Variants in ACSM1 observed in about 807,000 individuals in gnomAD.
The protein encoded by ACSM1 is acyl-coenzyme A synthetase ACSM1, mitochondrial.
Under a neutral mutation model 75.8 loss-of-function variants are expected in ACSM1, and 79 were observed. The observed-to-expected ratio is 1.04, with a 90% CI of 0.87 to 1.26. The LOEUF (loss-of-function observed/expected upper bound fraction) is 1.26. Among genes scored for constraint, ACSM1 ranks in the 50% most tolerant of loss-of-function variants. The pLI is 0.00. For missense variants in ACSM1, 676 were observed against 720.1 expected (o/e 0.94, Z 0.70); for synonymous variants, 279 against 265.8 (o/e 1.05, Z -0.48).
chr16:20,657,110 T>A (rs1197252472), intron 7 of ACSM1, among the ~76,000 whole-genome samples: 1 of 152,180 alleles, frequency 6.6e-6, no homozygotes, highest in African/African-American at 2.4e-5. Context: ...TAAATATGTC[T>A]ATACATATAT....
Position 20,627,250 on chromosome 16 carries a change from T to C in ACSM1, c.1366A>G (p.Met456Val). The C allele has an allele frequency of 6.3e-7, 1 of 1,591,900 alleles. No homozygotes were observed. The highest frequency in any genetic ancestry group is 8.5e-7 in the Non-Finnish European group (1 of 1,171,210). Residue 456 changes from methionine (M) to valine (V), a missense_variant, in exon 11 of 14, where the codon ATG becomes GTG. Physicochemically the swap from Met to Val is conservative, Grantham distance 21. Transcript: ENST00000520010. Reference sequence around the variant, plus strand: ...AAACAAATGTAGCCCTCTTCATCCATCTTACCTCTGTCCCCAGTGTTGTAG... The same window carrying C: ...AAACAAATGTAGCCCTCTTCATCCACCTTACCTCTGTCCCCAGTGTTGTAG... Reference protein sequence around the residue: ...DFYNTGDRGKMDEEGYICFLG... With the variant: ...DFYNTGDRGKVDEEGYICFLG...
At chr16:20,665,210 C>A (rs938102480) in intron 6 of ACSM1, among the ~76,000 whole-genome samples, 4 of 151,936 alleles carry the variant, frequency 2.6e-5, no homozygotes, top group Non-Finnish European at 5.9e-5. Context: ...AAACTGAGAG[C>A]TTGTTTTTCA....
chr16:20,692,209 G>A (rs2152339889), intron 1 of ACSM1, among the ~76,000 whole-genome samples: 1 of 152,308 alleles, frequency 6.6e-6, no homozygotes, highest in Non-Finnish European at 1.5e-5. Flanking sequence ...AAATATGAGT[G>A]AACCTGGCCC....
At chr16:20,650,949 C>T (rs905398985) in intron 7 of ACSM1, among the ~76,000 whole-genome samples, 3 of 152,108 alleles carry the variant, frequency 2.0e-5, no homozygotes, top group Non-Finnish European at 2.9e-5. Context: ...TGGATCTAAC[C>T]GCTTTTTGCA....
At chr16:20,661,902 T>C (rs1046253005) in intron 6 of ACSM1, 29 bp from the exon 7 acceptor site, 2 of 1,512,528 alleles carry the variant, frequency 1.3e-6, no homozygotes, top group Non-Finnish European at 1.8e-6. Flanking sequence ...AGAAATTTTA[T>C]TTTTACAGTT....
At chr16:20,683,715 C>CTCTTTCTTTCTT (rs55684501) in intron 3 of ACSM1, among the ~76,000 whole-genome samples, 1,535 of 136,340 alleles carry the variant, frequency 0.011, 33 homozygotes, top group Non-Finnish European at 0.014. Flanking sequence ...CTCTCTCTCT[C>CTCTTTCTTTCTT]TCTTTCTTTC....
chr16:20,635,493 T>C (rs1294682857), intron 10 of ACSM1, among the ~76,000 whole-genome samples: 2 of 152,232 alleles, frequency 1.3e-5, no homozygotes, highest in African/African-American at 4.8e-5. Context: ...CCTGAAATGA[T>C]TGTAATATGC....
Position 20,636,845 on chromosome 16 carries a change from A to G in ACSM1, c.1198-5T>C. 1 of 1,611,832 alleles carries G rather than the reference A, an allele frequency of 6.2e-7. No homozygotes were observed. Among genetic ancestry groups the G allele is most frequent in the South Asian group, 1.1e-5 (1 of 91,020 alleles). On this transcript the variant is annotated splice_region_variant and splice_polypyrimidine_tract_variant and intron_variant, in intron 9 of 13. Coordinates refer to ENST00000520010, the MANE Select transcript of ACSM1 (RefSeq NM_001318890.3). The stretch of plus-strand genomic sequence containing the variant: ...GCTGCCCTTGTCATCAATGACCTGT[A>G]GCAAGAGGCCTGTGAATCATACACT...
chr16:20,677,639 T>C (rs1298957374), intron 4 of ACSM1, among the ~76,000 whole-genome samples: 1 of 152,186 alleles, frequency 6.6e-6, no homozygotes, highest in Non-Finnish European at 1.5e-5. Context: ...AATATTTTAC[T>C]GATGGAAGCA....
intron 7 of ACSM1, among the ~76,000 whole-genome samples, chr16:20,641,341 C>A (rs1401440014): frequency 6.6e-6 from 1 of 152,162 alleles, no homozygotes; most frequent in African/African-American, 2.4e-5. Flanking sequence ...TGCAGCCATG[C>A]CCTGCCCTCT....
chr16:20,676,863 T>C (rs939010845), intron 4 of ACSM1, among the ~76,000 whole-genome samples: 1 of 151,856 alleles, frequency 6.6e-6, no homozygotes, highest in Non-Finnish European at 1.5e-5. Context: ...GTCAAGGCCA[T>C]GGTATAAAAA....
intron 7 of ACSM1, among the ~76,000 whole-genome samples, chr16:20,653,874 T>C (rs1387767057): frequency 1.3e-5 from 2 of 152,116 alleles, no homozygotes; most frequent in Admixed American, 1.3e-4. Flanking sequence ...AAGCTACCAA[T>C]GACTTTCTTC....
chr16:20,659,938 A>G (rs163277), intron 7 of ACSM1, among the ~76,000 whole-genome samples: 69,945 of 151,996 alleles, frequency 0.46, 18,947 homozygotes, highest in East Asian at 0.85. Flanking sequence ...CCCGCTTTGC[A>G]TTGTCCTGCC....
Position 20,624,081 on chromosome 16 carries a change from T to C in ACSM1, c.1647+15A>G, listed in dbSNP as rs1485540387. 1.2e-5 allele frequency: 20 copies of C among 1,610,212 alleles called. No individual in the cohort carries two copies. Among genetic ancestry groups the C allele is most frequent in the Non-Finnish European group, 1.7e-5 (20 of 1,177,536 alleles). ...CTTCAGGGCCACCAGATCCCTTCCA[T>C]CTGCCCTCACTCACCTTCCTTGGGT... On this transcript the variant is annotated intron_variant, in intron 13 of 13. Transcript: ENST00000520010.
chr16:20,664,928 A>C (rs955610859), intron 6 of ACSM1, among the ~76,000 whole-genome samples: 35 of 152,132 alleles, frequency 2.3e-4, no homozygotes, highest in Non-Finnish European at 1.9e-4. Flanking sequence ...AAGTCAAAAA[A>C]GTTTCTGAAA....
intron 3 of ACSM1, among the ~76,000 whole-genome samples, chr16:20,683,643 A>G (rs9930187): frequency 0.49 from 61,390 of 125,568 alleles, 15,605 homozygotes; most frequent in Non-Finnish European, 0.62. Context: ...GCTCAGCTCA[A>G]GTCTTTTTTT....
At chr16:20,680,581 T>C (rs2079421985) in intron 4 of ACSM1, 1 of 152,144 alleles carries the variant, frequency 6.6e-6, no homozygotes, top group Admixed American at 6.5e-5. Flanking sequence ...TGTTTGGTTG[T>C]TAAAAACCTC....
At chr16:20,651,007 G>T (rs1056738286) in intron 7 of ACSM1, among the ~76,000 whole-genome samples, 1 of 147,166 alleles carries the variant, frequency 6.8e-6, no homozygotes, top group Non-Finnish European at 1.5e-5. Flanking sequence ...TGAAGTAATA[G>T]CTATGGGAAC....
intron 4 of ACSM1, among the ~76,000 whole-genome samples, chr16:20,677,117 T>C (rs2020334021): frequency 6.6e-6 from 1 of 151,962 alleles, no homozygotes; most frequent in African/African-American, 2.4e-5. Flanking sequence ...GCAGCAAGGT[T>C]CTGCTGCATT....
Sources: gnomAD v4.1 joint callset for allele counts (sites outside exome capture counted in the v4.1 genomes callset) on GRCh38, gnomAD v4.1.1 for gene constraint, MANE v1.5 for transcripts, NCBI Gene and HGNC (gene_info 2026-07-23, HGNC 2026-07-21) for gene names.